The following FCHO1 variants were observed in gnomAD, a reference collection of about 807,000 sequenced individuals.
FCHO1 encodes FCH and mu domain containing endocytic adaptor 1, also known as F-BAR domain only protein 1.
Under a neutral mutation model 114.4 loss-of-function variants are expected in FCHO1, and 45 were observed. The observed-to-expected ratio is 0.39, with a 90% confidence interval of 0.31 to 0.50. The LOEUF is 0.50. Ranked by LOEUF, FCHO1 falls within the 20% of genes least tolerant of loss-of-function variation. FCHO1 has a pLI of 0.77. For missense variants in FCHO1, 1,042 were observed against 1,209.6 expected, an observed-to-expected ratio of 0.86 and a Z score of 2.06; for synonymous variants, 480 against 488.9, an observed-to-expected ratio of 0.98 and a Z score of 0.24.
chr19:17,781,987 CTTTTTTTTTTTTT>C (rs67498129), intron 23 of FCHO1, among the ~76,000 whole-genome samples, 167 bp downstream of exon 23: 3 of 126,032 alleles, frequency 2.4e-5, no homozygotes, highest in African/African-American at 1.0e-4. Flanking sequence ...ATAGGAGGGC[CTTTTTTTTTTTTT>C]TTTTTTTTTT....
rs557956620 is a variant in FCHO1 at position 17,756,624 on chromosome 19, A to T, written c.27+1433A>T. Reference sequence around the variant, plus strand: ...CGAACCTCTGTTTCCCCATCTGGGAAAAAGGGATGAAATTCCTGCACCGCC... The same window carrying T: ...CGAACCTCTGTTTCCCCATCTGGGATAAAGGGATGAAATTCCTGCACCGCC... On this transcript the variant is annotated intron_variant, in intron 4 of 28. Transcript: ENST00000596536. Among the ~76,000 whole-genome samples, 217 of 152,216 alleles carry T rather than the reference A, an allele frequency of 1.4e-3. 1 individual carries two copies. The highest frequency in any genetic ancestry group is 4.6e-3 in the African/African-American group (190 of 41,554).
At position 17,774,519 on chromosome 19, in the gene FCHO1, G is replaced by A. The variant is rs546497481; in HGVS notation, c.920+41G>A. The A allele has an allele frequency of 1.1e-5, 17 of 1,536,784 alleles. No homozygotes were observed. In the African/African-American group the frequency reaches 1.5e-4, roughly 14 times the overall value. On this transcript the variant is annotated intron_variant, in intron 13 of 28. Coordinates refer to ENST00000596536, the MANE Select transcript of FCHO1 (RefSeq NM_015122.3). ...TGCCCGGTCTGGCCCAGGCTAGACC[G>A]AGATCCCCTCCCCTGCCCAGGCTAT... is the stretch of plus-strand genomic sequence containing the variant.
chr19:17,786,872 C>T (rs1031187109), intron 27 of FCHO1, among the ~76,000 whole-genome samples: 7 of 151,074 alleles, frequency 4.6e-5, no homozygotes, highest in South Asian at 2.1e-4. Context: ...GACCCGTGAT[C>T]GTACCACTGC....
intron 4 of FCHO1, among the ~76,000 whole-genome samples, chr19:17,761,633 C>CATAT (rs55848959): frequency 0.32 from 45,193 of 142,240 alleles, 8,008 homozygotes; most frequent in East Asian, 0.56. Flanking sequence ...CATGTATATA[C>CATAT]ATATATATAT....
intron 13 of FCHO1, 141 bp downstream of exon 13, chr19:17,774,619 T>C: frequency 1.5e-6 from 1 of 667,096 alleles, no homozygotes; most frequent in East Asian, 2.7e-5. Context: ...CTACCTGAGC[T>C]AGACCAGGAG....
At position 17,770,417 on chromosome 19, in the gene FCHO1, C is replaced by A. The variant is rs781230515; in HGVS notation, c.337-8C>A. ...AGTCTACCCATGAAATCCCCTCCTA[C>A]CCCGCAGTGCAAGGAGGAAGTGGTG... is the stretch of plus-strand genomic sequence containing the variant. On this transcript the variant is annotated splice_region_variant and splice_polypyrimidine_tract_variant and intron_variant, in intron 7 of 28. Transcript: ENST00000596536. The A allele has an allele frequency of 6.2e-7, 1 of 1,604,018 alleles. No individual in the cohort carries two copies. The highest frequency in any genetic ancestry group is 2.2e-5 in the East Asian group (1 of 44,608).
Position 17,784,791 on chromosome 19 carries a change from C to G in FCHO1, c.2293C>G (p.Leu765Val). ...TGCCCACTGGCAGTGTGGAGCCACCCTCACCCAGGTCTCAGTGGAGTACGG... is the reference window on the plus strand; with the variant it reads ...TGCCCACTGGCAGTGTGGAGCCACCGTCACCCAGGTCTCAGTGGAGTACGG... ...LSAHWQCGAT[L>V]TQVSVEYGYR... Residue 765 changes from leucine to valine, a missense_variant, in exon 26 of 29, where the codon CTC (leucine) becomes GTC (valine). Around this residue, in one of 3 missense-constraint regions of FCHO1, gnomAD observed 137 missense variants for 190.0 expected, o/e 0.72. Coordinates refer to ENST00000596536, the MANE Select transcript of FCHO1 (RefSeq NM_015122.3). This position sits in a 1 kb window ranked among gnomAD's most constrained non-coding sequence, Gnocchi z 5.3. 1 of 1,614,128 alleles carries G rather than the reference C, an allele frequency of 6.2e-7. No individual in the cohort carries two copies. Among genetic ancestry groups the G allele is most frequent in the Non-Finnish European group, 8.5e-7 (1 of 1,180,030 alleles).
chr19:17,757,656 C>A (rs1428701723), intron 4 of FCHO1, among the ~76,000 whole-genome samples: 1 of 152,180 alleles, frequency 6.6e-6, no homozygotes, highest in Non-Finnish European at 1.5e-5. Context: ...TAGCTCACGT[C>A]TGTAATCCAA....
At chr19:17,770,337 A>G (rs1395418768) in intron 7 of FCHO1, 88 bp from the exon 8 acceptor site, 2 of 1,371,634 alleles carry the variant, frequency 1.5e-6, no homozygotes, top group Non-Finnish European at 2.0e-6. Context: ...ACACACATAG[A>G]AAAAGACTGT....
At chr19:17,770,338 A>G (rs2091122225) in intron 7 of FCHO1, 87 bp from the exon 8 acceptor site, 16 of 1,379,020 alleles carry the variant, frequency 1.2e-5, no homozygotes, top group Non-Finnish European at 1.6e-5. Context: ...CACACATAGA[A>G]AAAGACTGTG....
chr19:17,750,822 C>CTT (rs1326515643), upstream of FCHO1, among the ~76,000 whole-genome samples: 70 of 143,830 alleles, frequency 4.9e-4, 2 homozygotes, highest in African/African-American at 1.5e-3. Flanking sequence ...CTTCCCCTTT[C>CTT]TTTTCTTTTT....
At position 17,775,824 on chromosome 19, in the gene FCHO1, C is replaced by T. The variant is rs1191265040; in HGVS notation, c.1004-159C>T. Among the ~76,000 whole-genome samples the T allele has an allele frequency of 6.6e-6, 1 of 151,654 alleles. No individual in the cohort carries two copies. Among genetic ancestry groups the T allele is most frequent in the African/African-American group, 2.4e-5 (1 of 41,228 alleles). On this transcript the variant is annotated intron_variant, in intron 15 of 28. Coordinates refer to ENST00000596536, the MANE Select transcript of FCHO1 (RefSeq NM_015122.3). The surrounding 1 kb of genome is among the most constrained non-coding windows in gnomAD (Gnocchi z 5.1). Reference sequence around the variant, plus strand: ...AGGCTTCTCGGGGGGGGTGGGAGTGCTGGTGGGACATGGTGTCAGGACTGA... The same window carrying T: ...AGGCTTCTCGGGGGGGGTGGGAGTGTTGGTGGGACATGGTGTCAGGACTGA...
intron 23 of FCHO1, among the ~76,000 whole-genome samples, chr19:17,782,240 T>G (rs913723014): frequency 2.0e-5 from 3 of 151,934 alleles, no homozygotes; most frequent in African/African-American, 7.3e-5. Flanking sequence ...TCTCACTCTG[T>G]TGCCCAGGCT....
intron 9 of FCHO1, 31 bp from the exon 10 acceptor site, chr19:17,772,426 C>T: frequency 6.3e-7 from 1 of 1,579,070 alleles, no homozygotes; most frequent in Non-Finnish European, 8.7e-7. Context: ...CCCTGACCTC[C>T]TTTCCACCTG....
In FCHO1 at chr19:17,778,762, C is replaced by T. The variant is rs1298550837; in HGVS notation, c.1505C>T (p.Pro502Leu). The T allele has an allele frequency of 6.5e-7, 1 of 1,538,954 alleles. No individual in the cohort carries two copies. Among genetic ancestry groups the T allele is most frequent in the Non-Finnish European group, 8.7e-7 (1 of 1,147,586 alleles). Residue 502 changes from proline (P) to leucine (L), a missense_variant, in exon 20 of 29, where the codon CCG becomes CTG. By Grantham distance (98) the Pro-to-Leu change is moderately conservative. This residue lies in a region of FCHO1 where 455 missense variants were observed against 455.4 expected (regional missense o/e 1.00). Coordinates refer to ENST00000596536, the MANE Select transcript of FCHO1 (RefSeq NM_015122.3). Reference protein sequence around the residue: ...WVPRPGTPQSPPSCRAPPPEA... With the variant: ...WVPRPGTPQSLPSCRAPPPEA... ...CCCCGCCCAGGCACCCCGCAGAGCCCGCCCAGCTGTAGGGCGCCACCCCCA... is the reference window on the plus strand; with the variant it reads ...CCCCGCCCAGGCACCCCGCAGAGCCTGCCCAGCTGTAGGGCGCCACCCCCA...
chr19:17,769,423 A>G (rs923765209), intron 7 of FCHO1, among the ~76,000 whole-genome samples: 43 of 151,246 alleles, frequency 2.8e-4, no homozygotes, highest in African/African-American at 1.0e-3. Flanking sequence ...AAAAATACAA[A>G]AGAAAAATTA....
At chr19:17,767,395 C>CAAAAAAAAA (rs3083683) in intron 7 of FCHO1, among the ~76,000 whole-genome samples, 4 of 130,736 alleles carry the variant, frequency 3.1e-5, no homozygotes, top group Non-Finnish European at 4.7e-5. Flanking sequence ...CCATCTTTAC[C>CAAAAAAAAA]AAAAAAAAAA....
chr19:17,762,900 G>A (rs750224497), intron 5 of FCHO1, 47 bp downstream of exon 5: 1 of 1,319,560 alleles, frequency 7.6e-7, no homozygotes, highest in Non-Finnish European at 1.1e-6. Context: ...CCACCATCCT[G>A]TAGTCACGCC....
At chr19:17,788,134 G>A in intron 28 of FCHO1, 150 bp from the exon 29 acceptor site, 1 of 737,974 alleles carries the variant, frequency 1.4e-6, no homozygotes. Context: ...CCAACAAGGG[G>A]CTCCTGGGGC....
Sources: allele counts gnomAD v4.1 joint callset (sites outside exome capture counted in the v4.1 genomes callset), GRCh38; gene constraint gnomAD v4.1.1; regional missense constraint gnomAD v4.1.1; non-coding constraint Gnocchi (gnomAD v3.1); transcripts MANE v1.5; gene names NCBI Gene and HGNC (gene_info 2026-07-23, HGNC 2026-07-21).